Variants in AGK observed in about 807,000 individuals in gnomAD.
AGK encodes acylglycerol kinase.
AGK carries 52 observed loss-of-function variants against 66.4 expected under a neutral mutation model. The ratio of observed to expected loss-of-function variants is 0.78; its 90% CI spans 0.63 to 0.99. The LOEUF is 0.99. Ranked by LOEUF, AGK falls within the 50% of genes least tolerant of loss-of-function variation. AGK has a pLI of 0.00. For synonymous variants in AGK, 182 were observed against 181.1 expected (o/e 1.00, Z -0.04); for missense variants, 451 against 506.6 (o/e 0.89, Z 1.05).
At chr7:141,639,409 G>T (rs1371171142) in intron 11 of AGK, among the ~76,000 whole-genome samples, 1 of 152,160 alleles carries the variant, frequency 6.6e-6, no homozygotes, top group African/African-American at 2.4e-5. Context: ...AAAAAGAAAA[G>T]AATGTGAGGA....
intron 5 of AGK, among the ~76,000 whole-genome samples, chr7:141,602,341 A>G (rs1796367078): frequency 6.6e-6 from 1 of 151,928 alleles, no homozygotes; most frequent in Non-Finnish European, 1.5e-5. Context: ...AGCCTTTTTT[A>G]CCTTTTTTAA....
intron 11 of AGK, 102 bp downstream of exon 11, chr7:141,637,119 G>A: frequency 2.2e-6 from 2 of 912,498 alleles, no homozygotes; most frequent in Non-Finnish European, 3.4e-6. Context: ...ACAGATGAAT[G>A]TGGCATGCTT....
At chr7:141,625,761 A>C (rs1796926173) in intron 9 of AGK, among the ~76,000 whole-genome samples, 3 of 152,076 alleles carry the variant, frequency 2.0e-5, no homozygotes, top group Admixed American at 2.0e-4. Flanking sequence ...TCATCACTCT[A>C]TTAGAGTAGC....
chr7:141,628,281 G>C (rs1796982199), intron 9 of AGK, among the ~76,000 whole-genome samples: 2 of 152,198 alleles, frequency 1.3e-5, no homozygotes, highest in South Asian at 4.1e-4. Flanking sequence ...CACAGGCTCT[G>C]TGTATTGATG....
In AGK at chr7:141,597,924, G is replaced by GAAGA. The variant is rs1379001099; in HGVS notation, c.221+1290_221+1293dup. Among the ~76,000 whole-genome samples the GAAGA allele has an allele frequency of 1.2e-4, 15 of 123,230 alleles. No homozygotes were observed. The Middle Eastern group carries it at 0.014, about 111-fold the overall frequency. 80.8% of individuals were successfully genotyped at this position (123,230 alleles called of 152,430 possible). A position where few individuals can be genotyped will look rare whatever the true frequency, so the allele number is the denominator to read the frequency against. ...AAAAAAAAAAAAAAAAAAAAAGAAA[G>GAAGA]AAGAAAGAAAATTAGTAAATATGTA... On this transcript the variant is annotated intron_variant, in intron 4 of 15. Transcript: ENST00000649286.
chr7:141,642,464 ACACT>A (rs1213547950), intron 13 of AGK, among the ~76,000 whole-genome samples: 1 of 152,204 alleles, frequency 6.6e-6, no homozygotes, highest in Admixed American at 6.5e-5. Flanking sequence ...TTCCTAAGTC[ACACT>A]CACCACATTT....
chr7:141,641,230 C>T lies in AGK; in HGVS notation c.727-18C>T, dbSNP rs1587162420. The T allele has an allele frequency of 6.3e-7, 1 of 1,589,806 alleles. No homozygotes were observed. Among genetic ancestry groups the T allele is most frequent in the East Asian group, 2.2e-5 (1 of 44,770 alleles). On this transcript the variant is annotated intron_variant, in intron 11 of 15. Transcript: ENST00000649286. ...ATTGTACATGCATAACAAAATTTTT[C>T]TCTCTCCACATTAAAAGGAGTGGCC...
intron 13 of AGK, among the ~76,000 whole-genome samples, chr7:141,646,607 T>C (rs1420008153): frequency 1.3e-5 from 2 of 152,204 alleles, no homozygotes; most frequent in African/African-American, 4.8e-5. Flanking sequence ...GGCCCGACTA[T>C]CCTGCTGCCT....
chr7:141,596,093 G>A (rs994280508), intron 3 of AGK, among the ~76,000 whole-genome samples: 1 of 152,156 alleles, frequency 6.6e-6, no homozygotes, highest in Non-Finnish European at 1.5e-5. Flanking sequence ...AAGAAGAGAA[G>A]GCAAATAGAG....
chr7:141,643,447 A>T (rs1005018636), intron 13 of AGK, among the ~76,000 whole-genome samples: 2 of 152,172 alleles, frequency 1.3e-5, no homozygotes, highest in Non-Finnish European at 2.9e-5. Flanking sequence ...TTAAGGCAAA[A>T]ATCATATTGA....
At chr7:141,586,660 T>TA (rs1796000601) in intron 2 of AGK, among the ~76,000 whole-genome samples, 1 of 152,076 alleles carries the variant, frequency 6.6e-6, no homozygotes, top group Non-Finnish European at 1.5e-5. Context: ...AAGGAAGGGA[T>TA]AAAATGATCC....
chr7:141,629,449 G>A (rs1422739677), intron 9 of AGK, among the ~76,000 whole-genome samples: 4 of 152,096 alleles, frequency 2.6e-5, no homozygotes, highest in Non-Finnish European at 5.9e-5. Flanking sequence ...CTACCCAGAT[G>A]AGTGGGTTAA....
chr7:141,624,726 T>G (rs764142737), intron 9 of AGK, among the ~76,000 whole-genome samples: 23 of 152,248 alleles, frequency 1.5e-4, no homozygotes, highest in Non-Finnish European at 2.6e-4. Context: ...ACATGGAATG[T>G]AATCCTGGTG....
chr7:141,629,432 T>C (rs1297247072), intron 9 of AGK, among the ~76,000 whole-genome samples: 1 of 152,296 alleles, frequency 6.6e-6, no homozygotes, highest in South Asian at 2.1e-4. Flanking sequence ...TCTCAAAATT[T>C]GACTGCCTAC....
At chr7:141,633,553 T>A (rs17520521) in intron 9 of AGK, among the ~76,000 whole-genome samples, 3,574 of 152,296 alleles carry the variant, frequency 0.023, 59 homozygotes, top group Middle Eastern at 0.061. Flanking sequence ...ATCTTTGCCT[T>A]GGACAAGTAC....
At chr7:141,580,237 T>A (rs1587085164) in intron 2 of AGK, among the ~76,000 whole-genome samples, 1 of 152,040 alleles carries the variant, frequency 6.6e-6, no homozygotes, top group South Asian at 2.1e-4. Context: ...GTTAAGGCAA[T>A]GAGTTCGGCT....
At chr7:141,650,715 T>C (rs1797534202) in intron 14 of AGK, 1 of 979,218 alleles carries the variant, frequency 1.0e-6, no homozygotes, top group Non-Finnish European at 1.2e-6. Flanking sequence ...TCAAGGTAGA[T>C]ATTGTATGCC....
In AGK at chr7:141,556,805, A is replaced by G. The variant is rs551533737; in HGVS notation, c.101+1238A>G. 1.2e-3 allele frequency among the ~76,000 whole-genome samples: 180 copies of G among 152,308 alleles called. 1 individual carries two copies. The highest frequency in any genetic ancestry group is 4.1e-3 in the African/African-American group (171 of 41,564). ...ATCCTCATCTGTCCCATTAGCCTACATTAATTTAAATGAGAAGTAGACTTT... is the reference window on the plus strand; with the variant it reads ...ATCCTCATCTGTCCCATTAGCCTACGTTAATTTAAATGAGAAGTAGACTTT... On this transcript the variant is annotated intron_variant, in intron 2 of 15. Coordinates refer to ENST00000649286, the MANE Select transcript of AGK (RefSeq NM_018238.4).
intron 9 of AGK, among the ~76,000 whole-genome samples, chr7:141,633,356 C>G (rs1296500068): frequency 6.6e-6 from 1 of 152,158 alleles, no homozygotes; most frequent in Non-Finnish European, 1.5e-5. Flanking sequence ...ATTAGAAACT[C>G]ACTGATTATA....
Sources: gnomAD v4.1 joint callset for allele counts (sites outside exome capture counted in the v4.1 genomes callset) on GRCh38, gnomAD v4.1.1 for gene constraint, MANE v1.5 for transcripts, NCBI Gene and HGNC (gene_info 2026-07-23, HGNC 2026-07-21) for gene names.